Variants in TMCC1 observed in about 807,000 individuals in gnomAD.
TMCC1 encodes transmembrane and coiled-coil domains protein 1.
Under a neutral mutation model 52.4 loss-of-function variants are expected in TMCC1, and 15 were observed. The observed-to-expected ratio is 0.29, with a 90% CI of 0.19 to 0.44. TMCC1 has a LOEUF of 0.44. TMCC1 is among the 20% of genes least tolerant of loss of function. The pLI is 1.00. For missense variants in TMCC1, 503 were observed against 806.0 expected (o/e 0.62, Z 4.55); for synonymous variants, 279 against 301.9 (o/e 0.92, Z 0.79).
Position 129,783,481 on chromosome 3 carries a change from G to A in TMCC1, c.576+44322C>T, listed in dbSNP as rs186604784. On this transcript the variant is annotated intron_variant, in intron 4 of 6. Transcript: ENST00000393238. ...CCACATGATATACCCCTTATTAAAT[G>A]TGGTAGATTATCACCTCCTGACAAA... 1.4e-4 allele frequency among the ~76,000 whole-genome samples: 21 copies of A among 151,742 alleles called. No individual in the cohort carries two copies. In the East Asian group the frequency reaches 4.1e-3, roughly 29 times the overall value.
intron 2 of TMCC1, among the ~76,000 whole-genome samples, chr3:129,856,861 A>G (rs749180237): frequency 2.0e-5 from 3 of 152,200 alleles, no homozygotes; most frequent in South Asian, 2.1e-4. Flanking sequence ...ATTAACCTCA[A>G]TAGGGATGGC....
At chr3:129,765,738 G>T (rs1395326336) in intron 4 of TMCC1, among the ~76,000 whole-genome samples, 2 of 152,044 alleles carry the variant, frequency 1.3e-5, no homozygotes, top group African/African-American at 4.8e-5. Flanking sequence ...GGGGGTTCTG[G>T]GTTATGGAGC....
At chr3:129,658,726 C>A (rs2086829130) in intron 5 of TMCC1, among the ~76,000 whole-genome samples, 1 of 152,156 alleles carries the variant, frequency 6.6e-6, no homozygotes, top group Non-Finnish European at 1.5e-5. Context: ...AAGACTTTAC[C>A]AGGGATTAAT....
At chr3:129,789,833 CACT>C (rs2056331078) in intron 4 of TMCC1, among the ~76,000 whole-genome samples, 1 of 152,092 alleles carries the variant, frequency 6.6e-6, no homozygotes, top group African/African-American at 2.4e-5. Context: ...AGTGACAGGA[CACT>C]ATGAGATGTG....
chr3:129,884,423 T>C (rs373312168), intron 1 of TMCC1, among the ~76,000 whole-genome samples: 1 of 152,114 alleles, frequency 6.6e-6, no homozygotes, highest in Admixed American at 6.6e-5. Context: ...AGCCCAGGAA[T>C]TGGAGACCAG....
chr3:129,867,536 A>G (rs575220283), intron 2 of TMCC1, among the ~76,000 whole-genome samples: 2 of 152,322 alleles, frequency 1.3e-5, no homozygotes, highest in South Asian at 4.1e-4. Flanking sequence ...TATTCAATAA[A>G]TGCTAATTCA....
At chr3:129,784,604 T>G (rs967256046) in intron 4 of TMCC1, among the ~76,000 whole-genome samples, 2 of 149,726 alleles carry the variant, frequency 1.3e-5, no homozygotes, top group Non-Finnish European at 3.0e-5. Flanking sequence ...GTATGTAAGA[T>G]AATGATAAAT....
At chr3:129,871,978 G>A (rs1181859554) in intron 2 of TMCC1, among the ~76,000 whole-genome samples, 1 of 152,182 alleles carries the variant, frequency 6.6e-6, no homozygotes, top group African/African-American at 2.4e-5. Context: ...AAAGATAATG[G>A]AGAAACAAGC....
intron 4 of TMCC1, among the ~76,000 whole-genome samples, chr3:129,717,837 T>C (rs1015898175): frequency 5.9e-5 from 9 of 152,178 alleles, no homozygotes; most frequent in African/African-American, 2.2e-4. Flanking sequence ...TGCCCACATA[T>C]CTGTTCTTAA....
intron 6 of TMCC1, among the ~76,000 whole-genome samples, chr3:129,653,649 A>G (rs2108842831): frequency 6.6e-6 from 1 of 152,204 alleles, no homozygotes; most frequent in Non-Finnish European, 1.5e-5. Context: ...TCACCGTGTT[A>G]GGATGGTCTT....
rs71155569 is a variant in TMCC1, at chr3:129,716,329, A to ATTT, written c.577-45068_577-45066dup. Among the ~76,000 whole-genome samples the ATTT allele has an allele frequency of 2.2e-4, 16 of 73,636 alleles. 1 individual carries two copies. Among genetic ancestry groups the ATTT allele is most frequent in the Admixed American group, 1.1e-3 (6 of 5,260 alleles). 48.3% of individuals were successfully genotyped at this position (73,636 alleles called of 152,430 possible). A position where few individuals can be genotyped will look rare whatever the true frequency, so the allele number is the denominator to read the frequency against. On this transcript the variant is annotated intron_variant, in intron 4 of 6. Coordinates refer to ENST00000393238, the MANE Select transcript of TMCC1 (RefSeq NM_001017395.5). ...AAGCATGAACCACTACACCTGGCAA[A>ATTT]TTTTTTTTTTTTTTTTTTTTTTTGA...
chr3:129,682,166 G>A (rs1448612238), intron 4 of TMCC1, among the ~76,000 whole-genome samples: 1 of 151,944 alleles, frequency 6.6e-6, no homozygotes, highest in African/African-American at 2.4e-5. Context: ...TGTTGCCAAG[G>A]CTCAAGTGCA....
chr3:129,757,246 A>C (rs1448686528), intron 4 of TMCC1, among the ~76,000 whole-genome samples: 1 of 152,326 alleles, frequency 6.6e-6, no homozygotes, highest in South Asian at 2.1e-4. Flanking sequence ...ATAAAGGCAC[A>C]GTCCCACAGG....
At chr3:129,870,759 CAAAAAAAAAA>C (rs61673201) in intron 2 of TMCC1, among the ~76,000 whole-genome samples, 42 of 10,676 alleles carry the variant, frequency 3.9e-3, no homozygotes, top group Non-Finnish European at 1.3e-3. Context: ...GACTCCATCT[CAAAAAAAAAA>C]AAAAAAAAAA....
intron 2 of TMCC1, among the ~76,000 whole-genome samples, chr3:129,861,319 A>G (rs529056605): frequency 2.0e-5 from 3 of 152,196 alleles, no homozygotes; most frequent in African/African-American, 7.2e-5. Flanking sequence ...GTGCACCTGT[A>G]GTCCCAGCTA....
intron 4 of TMCC1, among the ~76,000 whole-genome samples, chr3:129,804,558 G>C (rs1362678262): frequency 6.6e-6 from 1 of 152,138 alleles, no homozygotes; most frequent in African/African-American, 2.4e-5. Flanking sequence ...GAAACACATA[G>C]GAAAATTATA....
At chr3:129,665,288 G>C (rs1007903915) in intron 5 of TMCC1, among the ~76,000 whole-genome samples, 5 of 152,206 alleles carry the variant, frequency 3.3e-5, no homozygotes, top group African/African-American at 1.2e-4. Context: ...TGAAGAGAGA[G>C]AGACTGTGCT....
chr3:129,803,037 AGAGT>A (rs2057281685), intron 4 of TMCC1, among the ~76,000 whole-genome samples: 1 of 152,376 alleles, frequency 6.6e-6, no homozygotes, highest in South Asian at 2.1e-4. Flanking sequence ...AGCATGCACA[AGAGT>A]GAGAGAAAGG....
At chr3:129,848,909 A>T (rs1394362973) in intron 2 of TMCC1, among the ~76,000 whole-genome samples, 1 of 151,890 alleles carries the variant, frequency 6.6e-6, no homozygotes, top group East Asian at 1.9e-4. Flanking sequence ...TCCTCTACTA[A>T]TTGTTGGTCC....
Sources: allele counts gnomAD v4.1 joint callset (sites outside exome capture counted in the v4.1 genomes callset), GRCh38; gene constraint gnomAD v4.1.1; transcripts MANE v1.5; gene names NCBI Gene and HGNC (gene_info 2026-07-23, HGNC 2026-07-21).